JAZF1: variants seen among roughly 807,000 people sequenced by gnomAD.
JAZF1 encodes the protein JAZF zinc finger 1, also known as juxtaposed with another zinc finger protein 1.
A neutral mutation model predicts 26.4 loss-of-function variants in JAZF1; 8 were observed. The observed-to-expected ratio is 0.30, with a 90% CI of 0.18 to 0.55. The LOEUF (loss-of-function observed/expected upper bound fraction) is 0.55, where lower values mean the gene tolerates loss of function less well. JAZF1 is among the 20% of genes least tolerant of loss of function. The pLI, the probability that JAZF1 is intolerant of heterozygous loss-of-function variation, is 0.94. For missense variants in JAZF1, 199 were observed against 322.0 expected (o/e 0.62, Z 2.92); for synonymous variants, 126 against 122.3 (o/e 1.03, Z -0.20).
intron 1 of JAZF1, among the ~76,000 whole-genome samples, chr7:28,080,551 G>A (rs149427030): frequency 7.9e-5 from 12 of 152,282 alleles, no homozygotes; most frequent in African/African-American, 1.9e-4. Context: ...GCTAGCTTTT[G>A]ATTGAAAGTG....
chr7:27,898,611 C>G (rs1784112141), intron 2 of JAZF1, among the ~76,000 whole-genome samples: 1 of 152,022 alleles, frequency 6.6e-6, no homozygotes, highest in Non-Finnish European at 1.5e-5. Context: ...AAAATACTCT[C>G]CTACAGCTCA....
In JAZF1 at chr7:28,127,347, G is replaced by A. The variant is rs112552987; in HGVS notation, c.115+53116C>T. ...TGTCAGGGTGGGGATACAGATGCCA[G>A]AGGAAGCTGTGGAAGTGGGATGGAA... On this transcript the variant is annotated intron_variant, in intron 1 of 4. Coordinates refer to ENST00000283928, the MANE Select transcript of JAZF1 (RefSeq NM_175061.4). Among the ~76,000 whole-genome samples, 37 of 152,348 alleles carry A rather than the reference G, an allele frequency of 2.4e-4. 1 individual carries two copies. Among genetic ancestry groups the A allele is most frequent in the African/African-American group, 8.7e-4 (36 of 41,590 alleles).
At chr7:27,939,249 G>GA (rs1260565599) in intron 2 of JAZF1, among the ~76,000 whole-genome samples, 2 of 152,180 alleles carry the variant, frequency 1.3e-5, no homozygotes, top group Non-Finnish European at 2.9e-5. Flanking sequence ...ACTCCTGGGA[G>GA]AAAAAACCTT....
intron 2 of JAZF1, among the ~76,000 whole-genome samples, chr7:27,942,312 C>T (rs761674167): frequency 2.0e-5 from 3 of 152,236 alleles, no homozygotes; most frequent in Non-Finnish European, 4.4e-5. Context: ...CTGAAAGCTA[C>T]CCTACCCAGA....
At position 28,125,705 on chromosome 7, in the gene JAZF1, G is replaced by C. The variant is rs901281866; in HGVS notation, c.115+54758C>G. Among the ~76,000 whole-genome samples, 5 of 152,166 alleles carry C rather than the reference G, an allele frequency of 3.3e-5. No individual in the cohort carries two copies. The East Asian group carries it at 7.7e-4, about 23-fold the overall frequency. ...CCTTGGAAGGACTGCAAGCTGCCAG[G>C]GTTGCCCATCTTGTCTGGCATTTTC... On this transcript the variant is annotated intron_variant, in intron 1 of 4. Transcript: ENST00000283928.
chr7:28,037,879 T>A (rs1051971807), intron 1 of JAZF1, among the ~76,000 whole-genome samples: 4 of 152,198 alleles, frequency 2.6e-5, no homozygotes, highest in Middle Eastern at 3.2e-3. Flanking sequence ...ATCACAGATG[T>A]CTCCAGGTAA....
At chr7:28,127,332 G>C (rs1410936501) in intron 1 of JAZF1, among the ~76,000 whole-genome samples, 1 of 152,152 alleles carries the variant, frequency 6.6e-6, no homozygotes, top group Non-Finnish European at 1.5e-5. Flanking sequence ...TGTCAGGGTG[G>C]GGATACAGAT....
chr7:27,997,519 C>T (rs1786041103), intron 1 of JAZF1, among the ~76,000 whole-genome samples: 1 of 152,168 alleles, frequency 6.6e-6, no homozygotes, highest in Non-Finnish European at 1.5e-5. Flanking sequence ...GGTCAACAAG[C>T]TCCATCCATG....
intron 1 of JAZF1, among the ~76,000 whole-genome samples, chr7:28,122,275 T>C (rs1350667032): frequency 6.6e-6 from 1 of 152,198 alleles, no homozygotes; most frequent in African/African-American, 2.4e-5. Flanking sequence ...AACTCATGTT[T>C]CAGTTTTTCC....
intron 1 of JAZF1, among the ~76,000 whole-genome samples, chr7:27,996,879 T>G (rs1308131919): frequency 2.6e-5 from 4 of 152,228 alleles, no homozygotes; most frequent in African/African-American, 9.6e-5. Flanking sequence ...ATGAATACAC[T>G]GATCTATTAT....
chr7:27,869,924 G>T lies in JAZF1; in HGVS notation c.385+25296C>A, dbSNP rs546054753. Among the ~76,000 whole-genome samples the T allele has an allele frequency of 5.3e-5, 8 of 152,144 alleles. No individual in the cohort carries two copies. In the East Asian group the frequency reaches 1.3e-3, roughly 26 times the overall value. On this transcript the variant is annotated intron_variant, in intron 3 of 4. Coordinates refer to ENST00000283928, the MANE Select transcript of JAZF1 (RefSeq NM_175061.4). The stretch of plus-strand genomic sequence containing the variant: ...AACTACATTTATTTTATTTTGAGAT[G>T]GAATCTCGCTCTGTTGCTCTGTCGC...
chr7:27,877,747 G>A (rs895635866), intron 3 of JAZF1, among the ~76,000 whole-genome samples: 1 of 152,124 alleles, frequency 6.6e-6, no homozygotes, highest in African/African-American at 2.4e-5. Flanking sequence ...CTTGCCATAC[G>A]TGCTCTCAGA....
chr7:28,170,217 G>A (rs1395685191), intron 1 of JAZF1, among the ~76,000 whole-genome samples: 1 of 152,044 alleles, frequency 6.6e-6, no homozygotes, highest in African/African-American at 2.4e-5. Flanking sequence ...GAGCCCAAAA[G>A]TTCAAGATCA....
intron 1 of JAZF1, among the ~76,000 whole-genome samples, chr7:28,091,125 CT>C (rs541480387): frequency 4.6e-5 from 7 of 151,646 alleles, no homozygotes; most frequent in African/African-American, 1.7e-4. Flanking sequence ...CGCGCCCGGC[CT>C]TTTTTTTAGT....
intron 3 of JAZF1, among the ~76,000 whole-genome samples, chr7:27,854,080 A>G (rs995018556): frequency 1.4e-4 from 21 of 152,148 alleles, no homozygotes; most frequent in African/African-American, 4.8e-4. Flanking sequence ...TATATTTAGG[A>G]TAGTTAGCTC....
At chr7:28,164,158 T>C (rs1439419838) in intron 1 of JAZF1, among the ~76,000 whole-genome samples, 4 of 152,188 alleles carry the variant, frequency 2.6e-5, no homozygotes, top group Non-Finnish European at 5.9e-5. Context: ...CACAGCAGAT[T>C]AGCTGACCAG....
intron 2 of JAZF1, among the ~76,000 whole-genome samples, chr7:27,980,406 T>C (rs1337808803): frequency 1.3e-5 from 2 of 152,210 alleles, no homozygotes; most frequent in African/African-American, 2.4e-5. Flanking sequence ...ATATCTATTA[T>C]GTTCAACATA....
At chr7:28,072,387 T>C (rs1225649431) in intron 1 of JAZF1, among the ~76,000 whole-genome samples, 1 of 152,240 alleles carries the variant, frequency 6.6e-6, no homozygotes, top group Non-Finnish European at 1.5e-5. Flanking sequence ...GAATATAATC[T>C]GTTCAGGCTG....
At chr7:27,853,901 A>C (rs1783196483) in intron 3 of JAZF1, among the ~76,000 whole-genome samples, 1 of 152,262 alleles carries the variant, frequency 6.6e-6, no homozygotes, top group African/African-American at 2.4e-5. Context: ...CACTTGGTCC[A>C]GAGCTGAGTT....
Sources: gnomAD v4.1 joint callset for allele counts (sites outside exome capture counted in the v4.1 genomes callset) on GRCh38, gnomAD v4.1.1 for gene constraint, MANE v1.5 for transcripts, NCBI Gene and HGNC (gene_info 2026-07-23, HGNC 2026-07-21) for gene names.